The following ACTN1 variants were observed in gnomAD, a reference collection of about 807,000 sequenced individuals.
The protein encoded by ACTN1 is alpha-actinin-1.
In ACTN1, 30 loss-of-function variants were observed where a neutral mutation model predicts 119.6. The observed-to-expected ratio is 0.25, with a 90% CI of 0.19 to 0.34. ACTN1 has a LOEUF of 0.34. Among genes scored for constraint, ACTN1 ranks in the 10% least tolerant of loss-of-function variants. The pLI, the probability that ACTN1 is intolerant of heterozygous loss-of-function variation, is 1.00. For synonymous variants in ACTN1, 429 were observed against 472.6 expected, an observed-to-expected ratio of 0.91 and a Z score of 1.20; for missense variants, 764 against 1,223.4, an observed-to-expected ratio of 0.62 and a Z score of 5.60.
chr14:68,956,824 A>C (rs2036365751), intron 1 of ACTN1, among the ~76,000 whole-genome samples: 1 of 151,938 alleles, frequency 6.6e-6, no homozygotes, highest in Non-Finnish European at 1.5e-5. Context: ...AGTTACCATG[A>C]ATCTTAGTTG....
rs1340049880 is a variant in ACTN1 at position 68,904,715 on chromosome 14, T to G, written c.616A>C (p.Asn206His). ...LRKDDPLTNL[N>H]TAFDVAEKYL... ...TTCTCTGCCACGTCAAAAGCCGTAT[T>G]CAGATTTGTGAGTGGATCATCCTAG... Residue 206 changes from asparagine to histidine, a missense_variant, in exon 7 of 22, where the codon AAT (asparagine) becomes CAT (histidine). By Grantham distance (68) the Asn-to-His change is moderately conservative. Around this residue, in one of 4 missense-constraint regions of ACTN1, gnomAD observed 544 missense variants for 912.0 expected, o/e 0.60. Coordinates refer to ENST00000394419, the MANE Select transcript of ACTN1 (RefSeq NM_001130004.2). 2 of 1,614,038 alleles carry G rather than the reference T, an allele frequency of 1.2e-6. No individual in the cohort carries two copies.
intron 1 of ACTN1, among the ~76,000 whole-genome samples, chr14:68,942,065 G>C (rs1594851882): frequency 1.3e-5 from 2 of 152,260 alleles, no homozygotes; most frequent in East Asian, 3.9e-4. Flanking sequence ...CAGGGGATGA[G>C]GCAACAAGTT....
intron 1 of ACTN1, among the ~76,000 whole-genome samples, chr14:68,931,299 G>T (rs535015204): frequency 1.2e-4 from 18 of 152,326 alleles, no homozygotes; most frequent in Non-Finnish European, 2.5e-4. Flanking sequence ...GGCAGAAGAT[G>T]GGCAGCCCCT....
At chr14:68,900,892 A>C (rs1460357510) in intron 8 of ACTN1, 1 of 152,342 alleles carries the variant, frequency 6.6e-6, no homozygotes, top group Admixed American at 6.5e-5. Context: ...CGTGGCCGTG[A>C]CATGAAACAT....
Position 68,879,774 on chromosome 14 carries a change from TG to T in ACTN1, c.2280+187del. On this transcript the variant is annotated intron_variant, in intron 18 of 21. Transcript: ENST00000394419. This position sits in a 1 kb window ranked among gnomAD's most constrained non-coding sequence, Gnocchi z 4.9. Reference sequence around the variant, plus strand: ...CTCTCCCGGAAAGCAGGGAAGCTTATGGGGCACCAACACAGGTTTTCCAAGG... The same window carrying T: ...CTCTCCCGGAAAGCAGGGAAGCTTATGGGCACCAACACAGGTTTTCCAAGG... 1 of 709,362 alleles carries T rather than the reference TG, an allele frequency of 1.4e-6. No individual in the cohort carries two copies. The highest frequency in any genetic ancestry group is 2.3e-6 in the Non-Finnish European group (1 of 442,036). The allele number at this position is 709,362 out of a possible 1,614,324, so 43.9% of individuals were successfully genotyped here.
chr14:68,931,078 C>T lies in ACTN1; in HGVS notation c.106-5406G>A, dbSNP rs77706344. Among the ~76,000 whole-genome samples the T allele has an allele frequency of 5.8e-3, 887 of 152,308 alleles. 8 individuals are homozygous for T. The highest frequency in any genetic ancestry group is 0.02 in the African/African-American group (827 of 41,574). ...CACACTTTCTGCTCCACCCGAATGA[C>T]GTGGATTTCAGGTGCAGGCATGGGT... is the stretch of plus-strand genomic sequence containing the variant. On this transcript the variant is annotated intron_variant, in intron 1 of 21. Coordinates refer to ENST00000394419, the MANE Select transcript of ACTN1 (RefSeq NM_001130004.2).
chr14:68,967,105 A>G (rs2036732282), intron 1 of ACTN1, among the ~76,000 whole-genome samples: 1 of 152,216 alleles, frequency 6.6e-6, no homozygotes, highest in Admixed American at 6.5e-5. Context: ...ATCCTAGGCT[A>G]TGACCCCATC....
intron 1 of ACTN1, chr14:68,978,598 C>A: frequency 3.5e-6 from 1 of 287,924 alleles, no homozygotes; most frequent in South Asian, 3.4e-5. Flanking sequence ...AGCCCCGAGC[C>A]GGGGTCTCAG....
intron 1 of ACTN1, among the ~76,000 whole-genome samples, chr14:68,935,767 T>C (rs939224633): frequency 3.9e-5 from 6 of 152,188 alleles, no homozygotes; most frequent in African/African-American, 1.4e-4. Context: ...GAAGCCTCCA[T>C]TGACAAAGGT....
At chr14:68,929,267 G>C (rs910129899) in intron 1 of ACTN1, among the ~76,000 whole-genome samples, 6 of 152,138 alleles carry the variant, frequency 3.9e-5, no homozygotes, top group Admixed American at 3.3e-4. Context: ...TCCAGCATGA[G>C]GGGGTGGCAC....
At chr14:68,927,988 A>G (rs968165311) in intron 1 of ACTN1, among the ~76,000 whole-genome samples, 1 of 151,992 alleles carries the variant, frequency 6.6e-6, no homozygotes, top group Non-Finnish European at 1.5e-5. Context: ...CCAGCACTGA[A>G]CCTTCAGCCT....
At chr14:68,930,862 T>C (rs1303830988) in intron 1 of ACTN1, among the ~76,000 whole-genome samples, 1 of 152,180 alleles carries the variant, frequency 6.6e-6, no homozygotes, top group Non-Finnish European at 1.5e-5. Flanking sequence ...ATTGGGGGTA[T>C]AATTATTATA....
intron 1 of ACTN1, among the ~76,000 whole-genome samples, chr14:68,970,801 T>C (rs2036858441): frequency 1.3e-5 from 2 of 152,226 alleles, no homozygotes; most frequent in Non-Finnish European, 2.9e-5. Flanking sequence ...GTACCTTCAC[T>C]GAGGCCTATG....
At chr14:68,966,443 G>C (rs983748438) in intron 1 of ACTN1, among the ~76,000 whole-genome samples, 3 of 152,144 alleles carry the variant, frequency 2.0e-5, no homozygotes, top group Non-Finnish European at 4.4e-5. Context: ...GCATCACAAA[G>C]TGGCCACAGG....
intron 1 of ACTN1, among the ~76,000 whole-genome samples, chr14:68,975,626 A>C (rs1182664961): frequency 6.6e-6 from 1 of 152,234 alleles, no homozygotes; most frequent in South Asian, 2.1e-4. Context: ...TGGGGGCTGC[A>C]GTCACCCTGA....
chr14:68,948,055 G>A (rs1364946922), intron 1 of ACTN1, among the ~76,000 whole-genome samples: 2 of 152,310 alleles, frequency 1.3e-5, no homozygotes, highest in Admixed American at 6.5e-5. Flanking sequence ...GGAAGCTGCT[G>A]CCACCCAACC....
chr14:68,893,586 C>T lies in ACTN1; in HGVS notation c.855+69G>A, dbSNP rs2140168973. The T allele has an allele frequency of 2.8e-6, 4 of 1,441,910 alleles. No individual in the cohort carries two copies. The East Asian group carries it at 6.8e-5, about 25-fold the overall frequency. 89.3% of individuals were successfully genotyped at this position (1,441,910 alleles called of 1,614,324 possible). On this transcript the variant is annotated intron_variant, in intron 9 of 21. Coordinates refer to ENST00000394419, the MANE Select transcript of ACTN1 (RefSeq NM_001130004.2). Reference sequence around the variant, plus strand: ...CCTGAGACTATGCTCCAAGGAAAGACTTGGAGGTACACGTTCTAGGGGACT... The same window carrying T: ...CCTGAGACTATGCTCCAAGGAAAGATTTGGAGGTACACGTTCTAGGGGACT...
Position 68,925,476 on chromosome 14 carries a change from T to C in ACTN1, c.220+82A>G, listed in dbSNP as rs2034875920. ...CTTGTTTCAAGAGACCAAAACCAGC[T>C]GCGCTCATAGGCAGAGCAGATGCCA... On this transcript the variant is annotated intron_variant, in intron 2 of 21. Coordinates refer to ENST00000394419, the MANE Select transcript of ACTN1 (RefSeq NM_001130004.2). The surrounding 1 kb of genome is among the most constrained non-coding windows in gnomAD (Gnocchi z 4.3). 8.8e-7 allele frequency: 1 copy of C among 1,135,248 alleles called. No homozygotes were observed. The highest frequency in any genetic ancestry group is 1.6e-5 in the African/African-American group (1 of 63,366). 70.3% of individuals were successfully genotyped at this position (1,135,248 alleles called of 1,614,324 possible). A position where few individuals can be genotyped will look rare whatever the true frequency, so the allele number is the denominator to read the frequency against.
At chr14:68,961,120 C>T (rs896707394) in intron 1 of ACTN1, among the ~76,000 whole-genome samples, 27 of 152,262 alleles carry the variant, frequency 1.8e-4, no homozygotes, top group Admixed American at 4.6e-4. Flanking sequence ...TTAATATATC[C>T]ACCTCAAATG....
Sources: allele counts gnomAD v4.1 joint callset (sites outside exome capture counted in the v4.1 genomes callset), GRCh38; gene constraint gnomAD v4.1.1; regional missense constraint gnomAD v4.1.1; non-coding constraint Gnocchi (gnomAD v3.1); transcripts MANE v1.5; gene names NCBI Gene and HGNC (gene_info 2026-07-23, HGNC 2026-07-21).